The following SPOPL variants were observed in gnomAD, a reference collection of about 807,000 sequenced individuals.
The protein encoded by SPOPL is speckle type BTB/POZ protein like.
A neutral mutation model predicts 53.8 loss-of-function variants in SPOPL; 23 were observed. That is an observed-to-expected ratio of 0.43 (90% CI 0.31 to 0.61). The LOEUF (loss-of-function observed/expected upper bound fraction) is 0.61, where lower values mean the gene tolerates loss of function less well. SPOPL is among the 20% of genes least tolerant of loss of function. The probability of loss-of-function intolerance (pLI) is 0.12; values close to 1 mark genes in which losing one functional copy is unlikely to be tolerated. For missense variants in SPOPL, 442 were observed against 466.9 expected (o/e 0.95, Z 0.49); for synonymous variants, 164 against 149.7 (o/e 1.10, Z -0.70).
chr2:138,537,695 C>T (rs1405607454), intron 1 of SPOPL, among the ~76,000 whole-genome samples: 1 of 152,178 alleles, frequency 6.6e-6, no homozygotes, highest in Non-Finnish European at 1.5e-5. Context: ...GAACACAGTG[C>T]TTATGGCTAC....
intron 1 of SPOPL, among the ~76,000 whole-genome samples, chr2:138,538,567 T>C (rs1684988673): frequency 6.6e-6 from 1 of 152,204 alleles, no homozygotes; most frequent in African/African-American, 2.4e-5. Flanking sequence ...ACTTTCAACC[T>C]ATTTTTGATT....
At chr2:138,560,767 T>A (rs1253036999) in intron 7 of SPOPL, 38 bp from the exon 8 acceptor site, 3 of 1,566,272 alleles carry the variant, frequency 1.9e-6, no homozygotes, top group Non-Finnish European at 2.6e-6. Context: ...GTGTACTTTT[T>A]TTTTTTTTAA....
intron 1 of SPOPL, among the ~76,000 whole-genome samples, chr2:138,518,191 T>A (rs1012181848): frequency 6.6e-6 from 1 of 151,664 alleles, no homozygotes; most frequent in Non-Finnish European, 1.5e-5. Context: ...GAAGCTTTAA[T>A]AAAATGTTTA....
At chr2:138,549,458 G>A (rs1685267224) in intron 1 of SPOPL, among the ~76,000 whole-genome samples, 1 of 152,074 alleles carries the variant, frequency 6.6e-6, no homozygotes, top group Non-Finnish European at 1.5e-5. Context: ...AAGTTACAAA[G>A]CAGCAGCATC....
chr2:138,566,938 G>A (rs1685672793), intron 10 of SPOPL, among the ~76,000 whole-genome samples: 1 of 152,182 alleles, frequency 6.6e-6, no homozygotes, highest in African/African-American at 2.4e-5. Context: ...GTTAGCAGAA[G>A]TAAGAAGGAA....
At chr2:138,522,197 T>C (rs760926643) in intron 1 of SPOPL, among the ~76,000 whole-genome samples, 49 of 152,176 alleles carry the variant, frequency 3.2e-4, no homozygotes, top group Admixed American at 6.5e-4. Flanking sequence ...AGGTCTACCA[T>C]TGTAATCACT....
intron 1 of SPOPL, among the ~76,000 whole-genome samples, chr2:138,516,415 G>A (rs918138636): frequency 6.6e-6 from 1 of 152,206 alleles, no homozygotes; most frequent in African/African-American, 2.4e-5. Context: ...AAGGTCTGTT[G>A]TAAAAGATAC....
intron 8 of SPOPL, among the ~76,000 whole-genome samples, chr2:138,562,414 A>G (rs1415941841): frequency 6.6e-6 from 1 of 152,364 alleles, no homozygotes; most frequent in Non-Finnish European, 1.5e-5. Flanking sequence ...AAGACAGTTC[A>G]GTAGAAAAAG....
chr2:138,508,161 C>G (rs1379793290), intron 1 of SPOPL, among the ~76,000 whole-genome samples: 4 of 152,116 alleles, frequency 2.6e-5, no homozygotes, highest in Non-Finnish European at 1.5e-5. Flanking sequence ...GTCTACAAAT[C>G]CCTGGACTTT....
chr2:138,569,065 G>T lies in SPOPL; in HGVS notation c.1164G>T (p.Arg388=). The T allele has an allele frequency of 6.2e-7, 1 of 1,613,128 alleles. No individual in the cohort carries two copies. Among genetic ancestry groups the T allele is most frequent in the South Asian group, 1.1e-5 (1 of 90,942 alleles). ...QCPQFGIPRK[R]LKQS ...CACAGTTTGGCATTCCACGCAAACG[G>T]CTAAAACAGTCCTGAAATCTTCCAT... is the stretch of plus-strand genomic sequence containing the variant. The change falls in exon 11 of 11, where the codon CGG becomes CGT. Residue 388 remains arginine, a synonymous_variant. Coordinates refer to ENST00000280098, the MANE Select transcript of SPOPL (RefSeq NM_001001664.3).
At position 138,529,510 on chromosome 2, in the gene SPOPL, G is replaced by A. The variant is rs930953274; in HGVS notation, c.-60-20647G>A. On this transcript the variant is annotated intron_variant, in intron 1 of 10. Coordinates refer to ENST00000280098, the MANE Select transcript of SPOPL (RefSeq NM_001001664.3). ...TGTATGCATGTGCCTGTGTGTGTGT[G>A]TGTGTGTGTGTGTGTGTGTGTGTGT... Among the ~76,000 whole-genome samples the A allele has an allele frequency of 1.8e-4, 26 of 145,610 alleles. No individual in the cohort carries two copies. In the South Asian group the frequency reaches 5.5e-3, roughly 31 times the overall value.
At chr2:138,562,392 G>C (rs1685568169) in intron 8 of SPOPL, among the ~76,000 whole-genome samples, 1 of 152,070 alleles carries the variant, frequency 6.6e-6, no homozygotes, top group African/African-American at 2.4e-5. Context: ...TTTAATTTTT[G>C]ACAAAAGTGC....
chr2:138,547,603 C>T (rs1558875022), intron 1 of SPOPL, among the ~76,000 whole-genome samples: 4 of 151,936 alleles, frequency 2.6e-5, no homozygotes, highest in Middle Eastern at 3.4e-3. Flanking sequence ...TTGAAAATAA[C>T]CATGTTTTCC....
chr2:138,553,700 A>T (rs922047278), intron 5 of SPOPL, among the ~76,000 whole-genome samples: 2 of 152,092 alleles, frequency 1.3e-5, no homozygotes, highest in Non-Finnish European at 2.9e-5. Context: ...ATTGCATCTT[A>T]TTTTTTACTT....
chr2:138,552,423 A>G (rs1226419359), intron 4 of SPOPL, 131 bp from the exon 5 acceptor site: 2 of 1,105,434 alleles, frequency 1.8e-6, no homozygotes, highest in Admixed American at 3.2e-5. Flanking sequence ...TTATAAACAC[A>G]AATATCGGTA....
Position 138,572,276 on chromosome 2 carries a change from A to T in SPOPL, c.*3196A>T, listed in dbSNP as rs969769450. 16 of 152,712 alleles carry T rather than the reference A, an allele frequency of 1.0e-4. No homozygotes were observed. Among genetic ancestry groups the T allele is most frequent in the African/African-American group, 3.9e-4 (16 of 41,548 alleles). The allele number at this position is 152,712 out of a possible 1,614,324, so 9.5% of individuals were successfully genotyped here. ...CCTTTTTAGGACATCAATTATAATA[A>T]AATTGTTTTAAAATATTAACAAAGA... is the stretch of plus-strand genomic sequence containing the variant. On this transcript the variant is annotated 3_prime_UTR_variant, in exon 11 of 11. Transcript: ENST00000280098.
intron 1 of SPOPL, among the ~76,000 whole-genome samples, chr2:138,546,273 G>C (rs1573896922): frequency 6.6e-6 from 1 of 152,170 alleles, no homozygotes; most frequent in South Asian, 2.1e-4. Flanking sequence ...TAGTTTATAT[G>C]ATGGAATAGG....
At chr2:138,541,806 C>T (rs1685078117) in intron 1 of SPOPL, among the ~76,000 whole-genome samples, 1 of 152,152 alleles carries the variant, frequency 6.6e-6, no homozygotes, top group Non-Finnish European at 1.5e-5. Context: ...TCTTGCTTTT[C>T]TAGTTCTTTT....
At chr2:138,557,485 C>CG (rs574485349) in intron 5 of SPOPL, among the ~76,000 whole-genome samples, 38 of 152,158 alleles carry the variant, frequency 2.5e-4, no homozygotes, top group Non-Finnish European at 4.9e-4. Flanking sequence ...CTTCTCCAAA[C>CG]ATTTTACATT....
Sources: gnomAD v4.1 joint callset for allele counts (sites outside exome capture counted in the v4.1 genomes callset) on GRCh38, gnomAD v4.1.1 for gene constraint, MANE v1.5 for transcripts, NCBI Gene and HGNC (gene_info 2026-07-23, HGNC 2026-07-21) for gene names.